Variants in DOCK2 observed in about 807,000 individuals in gnomAD.
The protein encoded by DOCK2 is dedicator of cytokinesis 2.
A neutral mutation model predicts 248.9 loss-of-function variants in DOCK2; 87 were observed. The observed-to-expected ratio is 0.35, with a 90% CI of 0.29 to 0.42. The LOEUF is 0.42. Ranked by LOEUF, DOCK2 falls within the 10% of genes least tolerant of loss-of-function variation. DOCK2 has a pLI of 1.00. For missense variants in DOCK2, 1,747 were observed against 2,300.2 expected (o/e 0.76, Z 4.92); for synonymous variants, 805 against 821.6 (o/e 0.98, Z 0.35).
intron 27 of DOCK2, among the ~76,000 whole-genome samples, chr5:169,902,741 C>T (rs1774000366): frequency 1.3e-5 from 2 of 152,120 alleles, no homozygotes; most frequent in Non-Finnish European, 2.9e-5. Context: ...GGGTTGGGTA[C>T]TAGGGACACG....
chr5:169,882,528 TA>T, intron 27 of DOCK2: 6 of 1,515,754 alleles, frequency 4.0e-6, no homozygotes, highest in Non-Finnish European at 5.3e-6. Context: ...CAGTCATTTT[TA>T]ATATGAAAAA....
At chr5:170,068,441 A>C (rs76817976) in intron 45 of DOCK2, among the ~76,000 whole-genome samples, 1 of 152,194 alleles carries the variant, frequency 6.6e-6, no homozygotes, top group African/African-American at 2.4e-5. Context: ...TATCTTTCCT[A>C]TGTTATCCAT....
At chr5:170,071,716 C>T (rs1354928086) in intron 46 of DOCK2, among the ~76,000 whole-genome samples, 2 of 152,122 alleles carry the variant, frequency 1.3e-5, no homozygotes, top group Non-Finnish European at 2.9e-5. Flanking sequence ...TCTTAGGCCT[C>T]CTTCCCTAAG....
intron 15 of DOCK2, among the ~76,000 whole-genome samples, chr5:169,709,231 A>T (rs1761444179): frequency 6.6e-6 from 1 of 152,166 alleles, no homozygotes; most frequent in Non-Finnish European, 1.5e-5. Flanking sequence ...CCACCCCTCT[A>T]CAGGCAGTCT....
chr5:169,896,341 T>G (rs2113559903), intron 27 of DOCK2, among the ~76,000 whole-genome samples: 1 of 152,196 alleles, frequency 6.6e-6, no homozygotes, highest in Admixed American at 6.5e-5. Context: ...ATAATTTAGG[T>G]AGTGTGGCAT....
intron 26 of DOCK2, among the ~76,000 whole-genome samples, chr5:169,826,400 C>G (rs1213204241): frequency 1.3e-5 from 2 of 152,098 alleles, no homozygotes; most frequent in African/African-American, 2.4e-5. Flanking sequence ...ATGCTCTCAT[C>G]TCTGGTGGCT....
intron 2 of DOCK2, among the ~76,000 whole-genome samples, chr5:169,665,348 A>G (rs889550594): frequency 4.0e-5 from 6 of 148,368 alleles, no homozygotes; most frequent in African/African-American, 1.2e-4. Context: ...ATGTTTATAT[A>G]TAAGTATCAG....
intron 27 of DOCK2, among the ~76,000 whole-genome samples, chr5:169,959,032 G>A (rs1447020129): frequency 6.6e-6 from 1 of 152,146 alleles, no homozygotes; most frequent in Non-Finnish European, 1.5e-5. Context: ...CTAGGACTGG[G>A]CAGAAACAAC....
chr5:169,654,413 C>G lies in DOCK2; in HGVS notation c.54C>G (p.Asn18Lys). ...CTTTCTGTTTCACAGCCATATACAACTTCCAAGGCAGCGGAGCCCCCCAGC... is the reference window on the plus strand; with the variant it reads ...CTTTCTGTTTCACAGCCATATACAAGTTCCAAGGCAGCGGAGCCCCCCAGC... ...DKERHGVAIY[N>K]FQGSGAPQLS... The change falls in exon 2 of 52, where the codon AAC (asparagine) becomes AAG (lysine). Residue 18 changes from asparagine (N) to lysine (K), a missense_variant. By Grantham distance (94) the Asn-to-Lys change is moderately conservative. Coordinates refer to ENST00000520908, the MANE Select transcript of DOCK2 (RefSeq NM_004946.3). The G allele has an allele frequency of 6.2e-7, 1 of 1,614,210 alleles. No individual in the cohort carries two copies. Among genetic ancestry groups the G allele is most frequent in the Non-Finnish European group, 8.5e-7 (1 of 1,180,032 alleles).
intron 27 of DOCK2, among the ~76,000 whole-genome samples, chr5:169,846,599 C>T (rs200092200): frequency 2.2e-5 from 2 of 91,884 alleles, no homozygotes; most frequent in African/African-American, 1.3e-4. Context: ...TATATATATA[C>T]ACACACATAT....
At chr5:169,818,189 C>A (rs1768189274) in intron 26 of DOCK2, among the ~76,000 whole-genome samples, 1 of 152,144 alleles carries the variant, frequency 6.6e-6, no homozygotes, top group Non-Finnish European at 1.5e-5. Flanking sequence ...TTCTCATTGC[C>A]TGAAGAGTGT....
chr5:169,945,264 T>C (rs1258511374), intron 27 of DOCK2, among the ~76,000 whole-genome samples: 1 of 152,254 alleles, frequency 6.6e-6, no homozygotes, highest in Non-Finnish European at 1.5e-5. Flanking sequence ...AACGGGTCAA[T>C]AATACCATAC....
intron 27 of DOCK2, among the ~76,000 whole-genome samples, chr5:169,855,600 C>A (rs761557192): frequency 7.2e-5 from 11 of 152,160 alleles, no homozygotes; most frequent in Admixed American, 5.2e-4. Flanking sequence ...AGGCCCCAGG[C>A]AGCTGTGAGG....
At chr5:169,683,092 T>C (rs1422451612) in intron 7 of DOCK2, among the ~76,000 whole-genome samples, 1 of 152,240 alleles carries the variant, frequency 6.6e-6, no homozygotes, top group Non-Finnish European at 1.5e-5. Context: ...ACTATGAACA[T>C]TTGGAAACAA....
chr5:169,781,799 A>C (rs940775328), intron 25 of DOCK2, among the ~76,000 whole-genome samples: 10 of 152,156 alleles, frequency 6.6e-5, no homozygotes, highest in African/African-American at 1.2e-4. Flanking sequence ...CCCCACAGAG[A>C]GGGGCAGCAG....
At chr5:169,864,329 G>C (rs1239046716) in intron 27 of DOCK2, 1 of 1,551,624 alleles carries the variant, frequency 6.4e-7, no homozygotes, top group Non-Finnish European at 8.7e-7. Context: ...CTTAAGTCCT[G>C]CTTTTCCGGG....
intron 22 of DOCK2, among the ~76,000 whole-genome samples, chr5:169,721,220 G>T (rs1268600497): frequency 5.3e-5 from 8 of 152,218 alleles, no homozygotes; most frequent in African/African-American, 1.7e-4. Context: ...CAGGAGCAGG[G>T]TGATCTGTTA....
chr5:169,935,327 G>T (rs960747469), intron 27 of DOCK2, among the ~76,000 whole-genome samples: 5 of 152,218 alleles, frequency 3.3e-5, no homozygotes, highest in Admixed American at 3.3e-4. Context: ...CCATGCCTGT[G>T]TAGGGAAACT....
intron 27 of DOCK2, among the ~76,000 whole-genome samples, chr5:169,896,362 A>T (rs1375929605): frequency 6.6e-6 from 1 of 152,080 alleles, no homozygotes; most frequent in African/African-American, 2.4e-5. Flanking sequence ...GGTGGACAAG[A>T]GCTTGCATTC....
Sources: gnomAD v4.1 joint callset for allele counts (sites outside exome capture counted in the v4.1 genomes callset) on GRCh38, gnomAD v4.1.1 for gene constraint, MANE v1.5 for transcripts, NCBI Gene and HGNC (gene_info 2026-07-23, HGNC 2026-07-21) for gene names.